The following WIPI1 variants were observed in gnomAD, a reference collection of about 807,000 sequenced individuals.
WIPI1 encodes WD repeat domain, phosphoinositide interacting 1, also known as WD repeat domain phosphoinositide-interacting protein 1.
WIPI1 carries 45 observed loss-of-function variants against 55.3 expected under a neutral mutation model. The observed-to-expected ratio is 0.81, with a 90% confidence interval of 0.64 to 1.04. WIPI1 has a LOEUF of 1.04. WIPI1 is among the 50% of genes least tolerant of loss of function. The pLI, the probability that WIPI1 is intolerant of heterozygous loss-of-function variation, is 0.00. For missense variants in WIPI1, 445 were observed against 559.0 expected, an observed-to-expected ratio of 0.80 and a Z score of 2.06; for synonymous variants, 195 against 217.6, an observed-to-expected ratio of 0.90 and a Z score of 0.92.
At chr17:68,449,450 C>T (rs1010013529) in intron 3 of WIPI1, among the ~76,000 whole-genome samples, 1 of 152,176 alleles carries the variant, frequency 6.6e-6, no homozygotes, top group Admixed American at 6.5e-5. Flanking sequence ...CATGGGGAAA[C>T]ACTGTAATAT....
At chr17:68,457,125 C>T (rs957227668) in intron 1 of WIPI1, among the ~76,000 whole-genome samples, 2 of 152,146 alleles carry the variant, frequency 1.3e-5, no homozygotes, top group African/African-American at 4.8e-5. Flanking sequence ...AACCTTGTCG[C>T]TCTGGGAGGA....
intron 1 of WIPI1, among the ~76,000 whole-genome samples, chr17:68,453,941 A>G (rs1255933295): frequency 6.6e-6 from 1 of 152,202 alleles, no homozygotes; most frequent in Non-Finnish European, 1.5e-5. Flanking sequence ...TTGAAGTTCA[A>G]GTATTCTAAT....
At position 68,423,866 on chromosome 17, in the gene WIPI1, T is replaced by C. The variant is rs898558402; in HGVS notation, c.1294-2046A>G. Among the ~76,000 whole-genome samples the C allele has an allele frequency of 3.3e-5, 5 of 152,228 alleles. No homozygotes were observed. The highest frequency in any genetic ancestry group is 7.3e-5 in the Non-Finnish European group (5 of 68,038). On this transcript the variant is annotated intron_variant, in intron 12 of 12. Transcript: ENST00000262139. This position sits in a 1 kb window ranked among gnomAD's most constrained non-coding sequence, Gnocchi z 4.4. ...CTGTAACTATAAGAGGTTGCAAGGCTTACTGCGATTACAATTAAGAATCTA... is the reference window on the plus strand; with the variant it reads ...CTGTAACTATAAGAGGTTGCAAGGCCTACTGCGATTACAATTAAGAATCTA...
intron 3 of WIPI1, among the ~76,000 whole-genome samples, chr17:68,450,245 A>G (rs2084445744): frequency 6.6e-6 from 1 of 152,198 alleles, no homozygotes; most frequent in African/African-American, 2.4e-5. Flanking sequence ...CTTCCAGGAG[A>G]GCTGAGGACG....
chr17:68,444,705 T>G, intron 3 of WIPI1, 116 bp from the exon 4 acceptor site: 1 of 748,036 alleles, frequency 1.3e-6, no homozygotes. Flanking sequence ...TAAAGCAGAA[T>G]TTTGATGATG....
chr17:68,457,245 C>T (rs2084668760), intron 1 of WIPI1, 97 bp downstream of exon 1: 2 of 1,435,438 alleles, frequency 1.4e-6, no homozygotes, highest in South Asian at 1.2e-5. Context: ...GCCGAGGCCG[C>T]CTCGAGGCGG....
Position 68,452,940 on chromosome 17 carries a change from C to G in WIPI1, c.133G>C (p.Val45Leu). The stretch of plus-strand genomic sequence containing the variant: ...CCGTGGACTTGATCCAGCTGCTCCA[C>G]AGAACTCAGAGAAAACAGCTTATAC... ...AGYKLFSLSS[V>L]EQLDQVHGSN... Residue 45 changes from valine (V) to leucine (L), a missense_variant, in exon 2 of 13, where the codon GTG becomes CTG. By Grantham distance (32) the Val-to-Leu change is conservative. Coordinates refer to ENST00000262139, the MANE Select transcript of WIPI1 (RefSeq NM_017983.7). The G allele has an allele frequency of 1.2e-6, 2 of 1,614,090 alleles. No homozygotes were observed. Among genetic ancestry groups the G allele is most frequent in the Non-Finnish European group, 1.7e-6 (2 of 1,180,008 alleles).
chr17:68,450,788 G>T lies in WIPI1; in HGVS notation c.273C>A (p.Gly91=). 1 of 1,613,960 alleles carries T rather than the reference G, an allele frequency of 6.2e-7. No individual in the cohort carries two copies. Among genetic ancestry groups the T allele is most frequent in the Non-Finnish European group, 8.5e-7 (1 of 1,179,866 alleles). The change falls in exon 3 of 13, where the codon GGC becomes GGA. Residue 91 remains glycine (G), a synonymous_variant. Transcript: ENST00000262139. ...AGTAGCTGTAATTACAGATCTCTGT[G>T]CCTTTCTTGAAGTGATACACGTTCA... ...RQMNVYHFKK[G]TEICNYSYSS... is the part of the protein sequence containing the mutation.
At position 68,421,383 on chromosome 17, in the gene WIPI1, T is replaced by A. The variant is rs2082761208; in HGVS notation, c.*390A>T. On this transcript the variant is annotated 3_prime_UTR_variant, in exon 13 of 13. Transcript: ENST00000262139. Reference sequence around the variant, plus strand: ...AAAAGACTTTGCCTGGCTAAAAGAGTCTCTCTCTAAGTATGTAATATACAA... The same window carrying A: ...AAAAGACTTTGCCTGGCTAAAAGAGACTCTCTCTAAGTATGTAATATACAA... The A allele has an allele frequency of 5.8e-6, 1 of 173,050 alleles. No homozygotes were observed. The highest frequency in any genetic ancestry group is 2.4e-5 in the African/African-American group (1 of 42,200). 10.7% of individuals were successfully genotyped at this position (173,050 alleles called of 1,614,324 possible).
In WIPI1 at chr17:68,430,095, T is replaced by G; in HGVS notation, c.866A>C (p.Tyr289Ser). Residue 289 changes from tyrosine to serine, a missense_variant, in exon 9 of 13, where the codon TAC becomes TCC. By Grantham distance (144) the Tyr-to-Ser change is moderately radical. Coordinates refer to ENST00000262139, the MANE Select transcript of WIPI1 (RefSeq NM_017983.7). The part of the protein sequence containing the change: ...MGKMFMAATN[Y>S]LPTQVSDMMH... ...CATGTCTGACACCTGGGTAGGGAGG[T>G]AGTTGGTAGCAGCCATAAACATCTT... 1.2e-6 allele frequency: 2 copies of G among 1,613,454 alleles called. No individual in the cohort carries two copies. Among genetic ancestry groups the G allele is most frequent in the South Asian group, 2.2e-5 (2 of 91,030 alleles).
chr17:68,447,984 CAAAAAA>C (rs5821653), intron 3 of WIPI1, among the ~76,000 whole-genome samples: 1 of 80,284 alleles, frequency 1.2e-5, no homozygotes. Flanking sequence ...GACTCTATCT[CAAAAAA>C]AAAAAAAAAA....
At chr17:68,447,181 G>A (rs1051406456) in intron 3 of WIPI1, among the ~76,000 whole-genome samples, 2 of 152,128 alleles carry the variant, frequency 1.3e-5, no homozygotes, top group Admixed American at 1.3e-4. Flanking sequence ...CAGAGGCTTC[G>A]AGCCAATCAG....
In WIPI1 at chr17:68,447,741, C is replaced by T. The variant is rs186692283; in HGVS notation, c.333+2987G>A. 1.1e-3 allele frequency among the ~76,000 whole-genome samples: 170 copies of T among 152,162 alleles called. No homozygotes were observed. In the East Asian group the frequency reaches 0.022, roughly 20 times the overall value. The stretch of plus-strand genomic sequence containing the variant: ...GGTGCGGTGGCTCACACCTGTAATC[C>T]CTGCACTTTGGGAGGCCGAGGTGGG... On this transcript the variant is annotated intron_variant, in intron 3 of 12. Transcript: ENST00000262139.
intron 9 of WIPI1, among the ~76,000 whole-genome samples, chr17:68,429,657 C>T (rs112980507): frequency 1.6e-3 from 247 of 152,124 alleles, no homozygotes; most frequent in African/African-American, 2.2e-3. Flanking sequence ...GGCATGATCT[C>T]GGCTCACTGC....
At chr17:68,443,758 T>A (rs1389618397) in intron 4 of WIPI1, among the ~76,000 whole-genome samples, 2 of 152,252 alleles carry the variant, frequency 1.3e-5, no homozygotes, top group Non-Finnish European at 2.9e-5. Context: ...AAGCAGTTGT[T>A]CAATGATACC....
chr17:68,446,000 C>A (rs902571923), intron 3 of WIPI1, among the ~76,000 whole-genome samples: 1 of 152,140 alleles, frequency 6.6e-6, no homozygotes, highest in African/African-American at 2.4e-5. Context: ...TCTCAGCCAG[C>A]TCCTTTTATT....
At chr17:68,440,390 A>C (rs959507848) in intron 4 of WIPI1, among the ~76,000 whole-genome samples, 1 of 152,264 alleles carries the variant, frequency 6.6e-6, no homozygotes, top group Admixed American at 6.5e-5. Context: ...TCTTTCTGTT[A>C]CAGGTGTTAC....
chr17:68,444,693 C>G (rs1169965456), intron 3 of WIPI1, 104 bp from the exon 4 acceptor site: 1 of 891,228 alleles, frequency 1.1e-6, no homozygotes, highest in Non-Finnish European at 1.7e-6. Flanking sequence ...TGATTCTAAG[C>G]CTAAAGCAGA....
chr17:68,447,606 G>GACTC (rs940584673), intron 3 of WIPI1, among the ~76,000 whole-genome samples: 1 of 152,086 alleles, frequency 6.6e-6, no homozygotes, highest in African/African-American at 2.4e-5. Context: ...GCCCAAGCTG[G>GACTC]ACTCAAACTC....
Sources: gnomAD v4.1 joint callset for allele counts (sites outside exome capture counted in the v4.1 genomes callset) on GRCh38, gnomAD v4.1.1 for gene constraint, Gnocchi (gnomAD v3.1) non-coding constraint, MANE v1.5 for transcripts, NCBI Gene and HGNC (gene_info 2026-07-23, HGNC 2026-07-21) for gene names.